Variants in TTC21B observed in about 807,000 individuals in gnomAD.
The protein encoded by TTC21B is tetratricopeptide repeat protein 21B.
A neutral mutation model predicts 175.1 loss-of-function variants in TTC21B; 127 were observed. The ratio of observed to expected loss-of-function variants is 0.73; its 90% CI spans 0.63 to 0.84. The LOEUF is 0.84. Ranked by LOEUF, TTC21B falls within the 40% of genes least tolerant of loss-of-function variation. The pLI is 0.00. For missense variants in TTC21B, 1,561 were observed against 1,558.3 expected, an observed-to-expected ratio of 1.00 and a Z score of -0.03; for synonymous variants, 524 against 524.5, an observed-to-expected ratio of 1.00 and a Z score of 0.01.
chr2:165,924,427 G>A (rs1243400224), intron 12 of TTC21B, 122 bp downstream of exon 12: 1 of 863,448 alleles, frequency 1.2e-6, no homozygotes, highest in Non-Finnish European at 1.8e-6. Context: ...ACTTATCTAT[G>A]CATATATAAA....
intron 19 of TTC21B, among the ~76,000 whole-genome samples, chr2:165,904,349 A>G (rs1305561132): frequency 2.6e-5 from 4 of 152,238 alleles, no homozygotes; most frequent in African/African-American, 9.6e-5. Flanking sequence ...ACTTAGATAG[A>G]TATCACAGAA....
intron 7 of TTC21B, 57 bp downstream of exon 7, chr2:165,932,916 T>C (rs913405274): frequency 1.4e-6 from 2 of 1,426,526 alleles, no homozygotes; most frequent in Non-Finnish European, 2.0e-6. Flanking sequence ...TGGGTGTGTA[T>C]GTGTAATGAA....
chr2:165,953,766 A>T lies in TTC21B; in HGVS notation c.-61T>A. 2.6e-6 allele frequency: 4 copies of T among 1,546,316 alleles called. No homozygotes were observed. The highest frequency in any genetic ancestry group is 2.0e-5 in the Admixed American group (1 of 50,892). Reference sequence around the variant, plus strand: ...TTGTCTCGCCGCAGCCTAAAGGAAGACGCAGAATTCAGCTCCCCTAGCCTC... The same window carrying T: ...TTGTCTCGCCGCAGCCTAAAGGAAGTCGCAGAATTCAGCTCCCCTAGCCTC... On this transcript the variant is annotated 5_prime_UTR_variant, in exon 1 of 29. Transcript: ENST00000243344.
intron 26 of TTC21B, among the ~76,000 whole-genome samples, chr2:165,883,185 C>G (rs1333210305): frequency 6.6e-6 from 1 of 151,790 alleles, no homozygotes; most frequent in East Asian, 1.9e-4. Context: ...TATTTCTCAA[C>G]AAAAAAATAA....
chr2:165,938,768 G>A (rs1308964094), intron 6 of TTC21B, among the ~76,000 whole-genome samples: 1 of 151,828 alleles, frequency 6.6e-6, no homozygotes, highest in African/African-American at 2.4e-5. Context: ...GGAAGGGAGA[G>A]GGAAAGAAAG....
At chr2:165,913,786 T>C in intron 15 of TTC21B, 140 bp from the exon 16 acceptor site, 1 of 677,182 alleles carries the variant, frequency 1.5e-6, no homozygotes, top group Non-Finnish European at 2.5e-6. Context: ...CAGTGTAATA[T>C]TATAAAAACC....
chr2:165,926,019 A>G (rs1028490541), intron 11 of TTC21B, among the ~76,000 whole-genome samples: 3 of 152,230 alleles, frequency 2.0e-5, no homozygotes, highest in Admixed American at 6.5e-5. Context: ...ACAATCTTTA[A>G]GATATCGTTT....
At chr2:165,945,763 C>G in intron 3 of TTC21B, 73 bp from the exon 4 acceptor site, 1 of 1,493,042 alleles carries the variant, frequency 6.7e-7, no homozygotes, top group Non-Finnish European at 9.1e-7. Context: ...AGATAATTAA[C>G]AAGGCAAAAA....
intron 6 of TTC21B, among the ~76,000 whole-genome samples, chr2:165,938,724 A>C (rs545289994): frequency 1.3e-5 from 2 of 152,080 alleles, no homozygotes; most frequent in South Asian, 4.2e-4. Flanking sequence ...GGCAGGAAGA[A>C]GGAGGGAGGG....
At chr2:165,888,559 G>A in intron 24 of TTC21B, 85 bp from the exon 25 acceptor site, 1 of 1,040,904 alleles carries the variant, frequency 9.6e-7, no homozygotes, top group Non-Finnish European at 1.4e-6. Flanking sequence ...GTACACAAAA[G>A]CTCTGGGCAC....
intron 22 of TTC21B, among the ~76,000 whole-genome samples, chr2:165,898,324 G>A (rs889344411): frequency 2.6e-5 from 4 of 152,112 alleles, no homozygotes. Flanking sequence ...TTCTCTTCCA[G>A]GTACAAATAT....
chr2:165,915,053 C>T, intron 15 of TTC21B, 148 bp downstream of exon 15: 1 of 689,136 alleles, frequency 1.5e-6, no homozygotes, highest in Non-Finnish European at 2.6e-6. Context: ...AGAGTGATTG[C>T]AGTTGGTGGT....
In TTC21B at chr2:165,874,730, A is replaced by T. The variant is rs1350223924; in HGVS notation, c.*25T>A. The T allele has an allele frequency of 1.3e-6, 2 of 1,599,826 alleles. No individual in the cohort carries two copies. Among genetic ancestry groups the T allele is most frequent in the South Asian group, 2.2e-5 (2 of 90,786 alleles). ...TTAGATTTCTTTCATTTCCTGTTAA[A>T]CCAACACCTAAGTTAAAATTATTTT... On this transcript the variant is annotated 3_prime_UTR_variant, in exon 29 of 29. Coordinates refer to ENST00000243344, the MANE Select transcript of TTC21B (RefSeq NM_024753.5).
chr2:165,892,729 G>A (rs757310001), intron 22 of TTC21B, among the ~76,000 whole-genome samples: 18 of 152,166 alleles, frequency 1.2e-4, no homozygotes, highest in Non-Finnish European at 1.8e-4. Flanking sequence ...AATGAGGAAC[G>A]AGGAACTGGT....
At chr2:165,910,617 T>G (rs1685897705) in intron 18 of TTC21B, among the ~76,000 whole-genome samples, 1 of 152,118 alleles carries the variant, frequency 6.6e-6, no homozygotes, top group Non-Finnish European at 1.5e-5. Flanking sequence ...CATCCAATAA[T>G]TTCAAGAAAA....
At chr2:165,895,059 G>A (rs1046730350) in intron 22 of TTC21B, among the ~76,000 whole-genome samples, 1 of 152,032 alleles carries the variant, frequency 6.6e-6, no homozygotes, top group African/African-American at 2.4e-5. Flanking sequence ...TTTTAATGTA[G>A]GTGGTGGTAG....
chr2:165,930,392 T>C, intron 8 of TTC21B, 28 bp from the exon 9 acceptor site: 3 of 1,523,704 alleles, frequency 2.0e-6, no homozygotes, highest in Non-Finnish European at 2.7e-6. Context: ...TGATGTAAGA[T>C]TTCAAAGTCT....
intron 3 of TTC21B, chr2:165,948,961 G>C (rs942349783): frequency 7.7e-5 from 14 of 181,470 alleles, no homozygotes; most frequent in Middle Eastern, 2.4e-3. Flanking sequence ...TCTCCCAAGA[G>C]CTAGCCCTCA....
rs1488393963 is a variant in TTC21B, at chr2:165,899,787, T to C, written c.2851A>G (p.Asn951Asp). 1 of 1,612,992 alleles carries C rather than the reference T, an allele frequency of 6.2e-7. No homozygotes were observed. The highest frequency in any genetic ancestry group is 8.5e-7 in the Non-Finnish European group (1 of 1,178,952). ...CALLLQSDQDNEAATMMMADL... is the reference protein window; with the variant it reads ...CALLLQSDQDDEAATMMMADL... ...GGACTGACCATGGTAGCAGCTTCGT[T>C]ATCCTGGTCACTCTGAAGCAGTAGA... The change falls in exon 21 of 29, where the codon AAC becomes GAC. Residue 951 changes from asparagine to aspartate, a missense_variant. Asn to Asp is a conservative substitution (Grantham distance 23, BLOSUM62 1). Transcript: ENST00000243344.
Sources: gnomAD v4.1 joint callset for allele counts (sites outside exome capture counted in the v4.1 genomes callset) on GRCh38, gnomAD v4.1.1 for gene constraint, MANE v1.5 for transcripts, NCBI Gene and HGNC (gene_info 2026-07-23, HGNC 2026-07-21) for gene names.